Variants in EYS observed in about 807,000 individuals in gnomAD.
The protein encoded by EYS is EGF-like photoreceptor maintenance factor, also known as protein eyes shut homolog.
EYS carries 250 observed loss-of-function variants against 282.1 expected under a neutral mutation model. The ratio of observed to expected loss-of-function variants is 0.89; its 90% CI spans 0.80 to 0.98. The LOEUF (loss-of-function observed/expected upper bound fraction) is 0.98. EYS is among the 50% of genes least tolerant of loss of function. The pLI is 0.00. For missense variants in EYS, 4,016 were observed against 3,709.0 expected (o/e 1.08, Z -2.15); for synonymous variants, 1,355 against 1,282.9 (o/e 1.06, Z -1.20).
At chr6:65,698,018 A>G (rs1324718057) in intron 1 of EYS, among the ~76,000 whole-genome samples, 3 of 152,160 alleles carry the variant, frequency 2.0e-5, no homozygotes, top group Non-Finnish European at 4.4e-5. Flanking sequence ...TCAGCTTCCT[A>G]TGAAACATTG....
chr6:65,244,427 T>C (rs919210788), intron 12 of EYS, among the ~76,000 whole-genome samples: 3 of 152,192 alleles, frequency 2.0e-5, no homozygotes, highest in African/African-American at 7.2e-5. Context: ...GTTCCTATTG[T>C]TCTCTTATTC....
At chr6:64,320,986 A>T (rs897710580) in intron 29 of EYS, among the ~76,000 whole-genome samples, 1 of 151,762 alleles carries the variant, frequency 6.6e-6, no homozygotes, top group African/African-American at 2.4e-5. Context: ...TCCAGTACCA[A>T]ACCCTTACTA....
intron 5 of EYS, among the ~76,000 whole-genome samples, chr6:65,407,167 C>T (rs1231389685): frequency 1.3e-5 from 2 of 152,066 alleles, no homozygotes; most frequent in African/African-American, 4.8e-5. Flanking sequence ...ATGTTAAAGT[C>T]TTGCATTTAT....
chr6:65,186,745 A>C (rs549860467), intron 12 of EYS, among the ~76,000 whole-genome samples: 2 of 151,892 alleles, frequency 1.3e-5, no homozygotes, highest in Admixed American at 6.6e-5. Context: ...TCTTAGGTTA[A>C]GGTGGCAAGT....
At chr6:65,008,294 C>T (rs373888103) in intron 13 of EYS, among the ~76,000 whole-genome samples, 3 of 152,152 alleles carry the variant, frequency 2.0e-5, no homozygotes. Context: ...TGAAGGCCAA[C>T]TAATCTTAAA....
In EYS at chr6:64,235,331, T is replaced by C. The variant is rs572056172; in HGVS notation, c.6192-4507A>G. 2.9e-3 allele frequency among the ~76,000 whole-genome samples: 434 copies of C among 148,150 alleles called. 4 individuals carry two copies. Among genetic ancestry groups the C allele is most frequent in the African/African-American group, 0.01 (407 of 40,352 alleles). On this transcript the variant is annotated intron_variant, in intron 30 of 42. Coordinates refer to ENST00000503581, the MANE Select transcript of EYS (RefSeq NM_001142800.2). ...TTCAATTCCCACCTATGAGTGAGAA[T>C]ATGCGGTGTTTGGTTTTTTGTTCTT...
rs535556932 is a variant in EYS at position 65,419,006 on chromosome 6, C to G, written c.863-13639G>C. Among the ~76,000 whole-genome samples the G allele has an allele frequency of 2.0e-5, 3 of 151,976 alleles. No individual in the cohort carries two copies. The East Asian group carries it at 5.8e-4, about 29-fold the overall frequency. ...TTGCCTAATCTCTGGCTGAAAGCACCTCAACCCCTAATACCATGCAGATTT... is the reference window on the plus strand; with the variant it reads ...TTGCCTAATCTCTGGCTGAAAGCACGTCAACCCCTAATACCATGCAGATTT... On this transcript the variant is annotated intron_variant, in intron 5 of 42. Coordinates refer to ENST00000503581, the MANE Select transcript of EYS (RefSeq NM_001142800.2).
At chr6:65,106,827 T>C (rs1775053647) in intron 12 of EYS, among the ~76,000 whole-genome samples, 2 of 152,116 alleles carry the variant, frequency 1.3e-5, no homozygotes, top group South Asian at 4.1e-4. Context: ...ATTCTAACAA[T>C]GTAAATATAT....
At chr6:64,356,961 GAC>G (rs988991556) in intron 29 of EYS, among the ~76,000 whole-genome samples, 30 of 151,606 alleles carry the variant, frequency 2.0e-4, no homozygotes, top group African/African-American at 6.8e-4. Flanking sequence ...AAGCCCTAAA[GAC>G]AGATATGATT....
At chr6:64,265,303 A>C (rs1312471458) in intron 30 of EYS, among the ~76,000 whole-genome samples, 1 of 152,188 alleles carries the variant, frequency 6.6e-6, no homozygotes, top group Non-Finnish European at 1.5e-5. Flanking sequence ...AATAAATTGA[A>C]AGCTTGAAAG....
intron 14 of EYS, among the ~76,000 whole-genome samples, chr6:64,977,621 C>A (rs1454214392): frequency 6.8e-6 from 1 of 148,050 alleles, no homozygotes; most frequent in African/African-American, 2.5e-5. Context: ...CCAAGAGAGG[C>A]TGAAAGCTAG....
intron 12 of EYS, among the ~76,000 whole-genome samples, chr6:65,248,906 T>C (rs1276540424): frequency 1.3e-5 from 2 of 152,030 alleles, no homozygotes; most frequent in African/African-American, 4.8e-5. Context: ...TGAAGAAGAA[T>C]AGGAGGTCCT....
chr6:64,899,323 G>A (rs553984584), intron 18 of EYS, among the ~76,000 whole-genome samples: 3 of 152,204 alleles, frequency 2.0e-5, no homozygotes, highest in South Asian at 2.1e-4. Context: ...CAACTACATG[G>A]AAACTGAATG....
intron 33 of EYS, among the ~76,000 whole-genome samples, chr6:64,045,288 G>A (rs1358612219): frequency 1.3e-5 from 2 of 151,584 alleles, no homozygotes; most frequent in Admixed American, 6.6e-5. Context: ...AATATTTTAA[G>A]TTTGTTGACA....
chr6:64,412,490 A>G (rs1808802848), intron 28 of EYS: 2 of 152,288 alleles, frequency 1.3e-5, no homozygotes, highest in Non-Finnish European at 1.5e-5. Flanking sequence ...AGAGATATAT[A>G]GGAGGATGCA....
intron 29 of EYS, among the ~76,000 whole-genome samples, chr6:64,340,631 G>A (rs903411329): frequency 1.3e-4 from 19 of 151,580 alleles, no homozygotes; most frequent in African/African-American, 3.4e-4. Flanking sequence ...GAAGAAAACC[G>A]TAAATATCCT....
intron 12 of EYS, among the ~76,000 whole-genome samples, chr6:65,087,890 G>T (rs1581897941): frequency 6.6e-6 from 1 of 152,202 alleles, no homozygotes; most frequent in East Asian, 1.9e-4. Context: ...ATGTGTTAAG[G>T]GTTGGACCAG....
intron 31 of EYS, among the ~76,000 whole-genome samples, chr6:64,176,961 A>G (rs1413006775): frequency 2.6e-5 from 4 of 151,956 alleles, no homozygotes; most frequent in Admixed American, 2.6e-4. Context: ...ATATTAAAAG[A>G]TGTAATATTA....
At chr6:64,672,110 T>C (rs1769483603) in intron 22 of EYS, among the ~76,000 whole-genome samples, 1 of 152,174 alleles carries the variant, frequency 6.6e-6, no homozygotes, top group East Asian at 1.9e-4. Flanking sequence ...AGCTGTGTCT[T>C]CCAGAGGCTT....
Sources: allele counts gnomAD v4.1 joint callset (sites outside exome capture counted in the v4.1 genomes callset), GRCh38; gene constraint gnomAD v4.1.1; transcripts MANE v1.5; gene names NCBI Gene and HGNC (gene_info 2026-07-23, HGNC 2026-07-21).